Variants in NRXN1 observed in about 807,000 individuals in gnomAD.
NRXN1 encodes neurexin-1.
A neutral mutation model predicts 150.9 loss-of-function variants in NRXN1; 39 were observed. The ratio of observed to expected loss-of-function variants is 0.26; its 90% CI spans 0.20 to 0.34. NRXN1 has a LOEUF of 0.34. Among genes scored for constraint, NRXN1 ranks in the 10% least tolerant of loss-of-function variants. The pLI is 1.00. For synonymous variants in NRXN1, 924 were observed against 757.0 expected, an observed-to-expected ratio of 1.22 and a Z score of -3.62; for missense variants, 1,815 against 1,949.9, an observed-to-expected ratio of 0.93 and a Z score of 1.30.
chr2:50,485,156 C>T (rs764347764), intron 15 of NRXN1, among the ~76,000 whole-genome samples: 1 of 152,112 alleles, frequency 6.6e-6, no homozygotes, highest in Non-Finnish European at 1.5e-5. Flanking sequence ...GATTCAGAGA[C>T]CGTATGTGTA....
intron 5 of NRXN1, among the ~76,000 whole-genome samples, chr2:50,743,685 A>G (rs1453104531): frequency 1.3e-5 from 2 of 152,124 alleles, no homozygotes; most frequent in Non-Finnish European, 2.9e-5. Context: ...CCATCACGTG[A>G]TCTTTTAAAC....
intron 17 of NRXN1, among the ~76,000 whole-genome samples, chr2:50,295,856 T>C (rs896086068): frequency 6.6e-6 from 1 of 152,218 alleles, no homozygotes; most frequent in Non-Finnish European, 1.5e-5. Context: ...TTTACTGCAC[T>C]GAAAGACAAT....
At position 50,795,101 on chromosome 2, in the gene NRXN1, G is replaced by T. The variant is rs140292268; in HGVS notation, c.832+126768C>A. On this transcript the variant is annotated intron_variant, in intron 5 of 22. Coordinates refer to ENST00000401669, the MANE Select transcript of NRXN1 (RefSeq NM_001330078.2). ...TGCTTAGTAGTTAGTAGGAGATCAT[G>T]GAGCTAATCTAGCATCCTTACATCT... Among the ~76,000 whole-genome samples the T allele has an allele frequency of 2.6e-5, 4 of 152,246 alleles. No homozygotes were observed. The East Asian group carries it at 7.7e-4, about 29-fold the overall frequency.
chr2:50,221,811 C>T (rs932472572), intron 18 of NRXN1, among the ~76,000 whole-genome samples: 1 of 151,906 alleles, frequency 6.6e-6, no homozygotes, highest in Non-Finnish European at 1.5e-5. Flanking sequence ...TGATATAATC[C>T]ACCCTCTGAG....
In NRXN1 at chr2:50,497,381, T is replaced by A; in HGVS notation, c.2831A>T (p.Tyr944Phe). The change falls in exon 14 of 23, where the codon TAT (tyrosine) becomes TTT (phenylalanine). Residue 944 changes from tyrosine (Y) to phenylalanine (F), a missense_variant. Transcript: ENST00000401669. Reference protein sequence around the residue: ...KTTSLDGLILYNSGDGNDFIV... With the variant: ...KTTSLDGLILFNSGDGNDFIV... ...AAAGTCATTTCCATCCCCACTGTTA[T>A]ATAGAATTAATCCATCTAGGGATGT... 6.3e-7 allele frequency: 1 copy of A among 1,578,896 alleles called. No individual in the cohort carries two copies. The highest frequency in any genetic ancestry group is 8.6e-7 in the Non-Finnish European group (1 of 1,161,108).
intron 5 of NRXN1, among the ~76,000 whole-genome samples, chr2:50,891,924 G>C: frequency 6.6e-6 from 1 of 152,012 alleles, no homozygotes; most frequent in East Asian, 1.9e-4. Context: ...CATATGCCAT[G>C]CACTGTTGTA....
intron 17 of NRXN1, among the ~76,000 whole-genome samples, chr2:50,404,261 C>G (rs2082598244): frequency 1.3e-5 from 2 of 152,000 alleles, no homozygotes; most frequent in Non-Finnish European, 2.9e-5. Context: ...GTGCTTCACC[C>G]AGGATAGTTT....
At chr2:50,090,278 AT>A in intron 19 of NRXN1, among the ~76,000 whole-genome samples, 1 of 152,292 alleles carries the variant, frequency 6.6e-6, no homozygotes, top group Non-Finnish European at 1.5e-5. Flanking sequence ...AATTGAATAC[AT>A]TGGTTATGTC....
chr2:50,559,363 ATT>A (rs1169704612), intron 8 of NRXN1, among the ~76,000 whole-genome samples: 2 of 152,162 alleles, frequency 1.3e-5, no homozygotes, highest in African/African-American at 2.4e-5. Context: ...ACATTAACTT[ATT>A]TATTATTTTG....
chr2:50,035,095 A>T (rs1429141669), intron 21 of NRXN1, among the ~76,000 whole-genome samples: 1 of 152,170 alleles, frequency 6.6e-6, no homozygotes, highest in Non-Finnish European at 1.5e-5. Flanking sequence ...TTGACTGCAC[A>T]TCTCAGGAAG....
chr2:50,456,417 G>C (rs2087565094), intron 17 of NRXN1, among the ~76,000 whole-genome samples: 1 of 152,054 alleles, frequency 6.6e-6, no homozygotes, highest in South Asian at 2.1e-4. Flanking sequence ...TGCTGCTATA[G>C]AATGCTACAA....
At chr2:50,379,014 C>A (rs896715678) in intron 17 of NRXN1, among the ~76,000 whole-genome samples, 4 of 152,008 alleles carry the variant, frequency 2.6e-5, no homozygotes, top group South Asian at 2.1e-4. Context: ...GTAGTCCCAG[C>A]CCTTAGAAGA....
intron 18 of NRXN1, among the ~76,000 whole-genome samples, chr2:50,093,999 A>C (rs534372016): frequency 6.6e-6 from 1 of 152,136 alleles, no homozygotes; most frequent in African/African-American, 2.4e-5. Context: ...TACCTGTTTT[A>C]TCTCTCCTGC....
At chr2:49,928,974 G>T (rs1669641807) in intron 22 of NRXN1, among the ~76,000 whole-genome samples, 1 of 152,052 alleles carries the variant, frequency 6.6e-6, no homozygotes, top group Admixed American at 6.6e-5. Flanking sequence ...GATTTAGAAA[G>T]AACTTGGAAA....
intron 21 of NRXN1, among the ~76,000 whole-genome samples, chr2:50,040,280 A>G (rs1690729452): frequency 6.6e-6 from 1 of 151,894 alleles, no homozygotes; most frequent in Admixed American, 6.6e-5. Flanking sequence ...TTAATGGAAC[A>G]AGAAATTAGA....
chr2:50,431,922 A>G (rs757277603), intron 17 of NRXN1, among the ~76,000 whole-genome samples: 4 of 152,182 alleles, frequency 2.6e-5, no homozygotes, highest in Non-Finnish European at 4.4e-5. Flanking sequence ...CAATTGTTGA[A>G]TCCTATAAGA....
chr2:50,862,952 ATAT>A (rs1160168278), intron 5 of NRXN1, among the ~76,000 whole-genome samples: 2 of 152,188 alleles, frequency 1.3e-5, no homozygotes, highest in East Asian at 3.9e-4. Flanking sequence ...CTTCAAAATA[ATAT>A]TATAAAAACC....
intron 5 of NRXN1, among the ~76,000 whole-genome samples, chr2:50,885,236 A>G: frequency 6.6e-6 from 1 of 151,466 alleles, no homozygotes; most frequent in East Asian, 1.9e-4. Context: ...TGACATCCTA[A>G]TACATAGATA....
At chr2:50,602,153 A>G (rs1169122476) in intron 8 of NRXN1, among the ~76,000 whole-genome samples, 2 of 152,218 alleles carry the variant, frequency 1.3e-5, no homozygotes, top group Non-Finnish European at 2.9e-5. Flanking sequence ...ATTTAATGGA[A>G]TCCATAGGAT....
Sources: gnomAD v4.1 joint callset for allele counts (sites outside exome capture counted in the v4.1 genomes callset) on GRCh38, gnomAD v4.1.1 for gene constraint, MANE v1.5 for transcripts, NCBI Gene and HGNC (gene_info 2026-07-23, HGNC 2026-07-21) for gene names.